The following DNAH14 variants were observed in gnomAD, a reference collection of about 807,000 sequenced individuals.
The protein encoded by DNAH14 is dynein axonemal heavy chain 14.
A neutral mutation model predicts 520.9 loss-of-function variants in DNAH14; 478 were observed. The ratio of observed to expected loss-of-function variants is 0.92; its 90% confidence interval spans 0.85 to 0.99. The LOEUF is 0.99. DNAH14 is among the 50% of genes least tolerant of loss of function. DNAH14 has a pLI of 0.00. For synonymous variants in DNAH14, 1,581 were observed against 1,757.2 expected, an observed-to-expected ratio of 0.90 and a Z score of 2.51; for missense variants, 4,831 against 5,234.5, an observed-to-expected ratio of 0.92 and a Z score of 2.38.
Position 225,144,515 on chromosome 1 carries a change from C to T in DNAH14, c.4627C>T (p.Leu1543Phe), listed in dbSNP as rs1270078720. The change falls in exon 29 of 86, where the codon CTC (leucine) becomes TTC (phenylalanine). Residue 1543 changes from leucine to phenylalanine, a missense_variant. Physicochemically the swap from Leu to Phe is conservative, Grantham distance 22. Coordinates refer to ENST00000682510, the MANE Select transcript of DNAH14 (RefSeq NM_001367479.1). ...GCTSRLVITP[L>F]TDRCWLTLME... ...TACCTCAAGATTGGTTATTACGCCT[C>T]TCACAGACCGATGCTGGCTGACTCT... is the stretch of plus-strand genomic sequence containing the variant. 3.2e-6 allele frequency: 5 copies of T among 1,551,478 alleles called. No individual in the cohort carries two copies. In the South Asian group the frequency reaches 5.9e-5, roughly 18 times the overall value.
At chr1:225,002,042 T>G (rs1169007041) in intron 8 of DNAH14, among the ~76,000 whole-genome samples, 2 of 152,138 alleles carry the variant, frequency 1.3e-5, no homozygotes, top group South Asian at 2.1e-4. Context: ...AGGGAAGAGA[T>G]AATTTCTGAT....
At chr1:225,216,323 T>G (rs564829794) in intron 41 of DNAH14, among the ~76,000 whole-genome samples, 13 of 152,338 alleles carry the variant, frequency 8.5e-5, no homozygotes, top group Admixed American at 2.6e-4. Context: ...CTGGCTGCCC[T>G]TAATGTTTTT....
intron 20 of DNAH14, among the ~76,000 whole-genome samples, chr1:225,084,779 T>C (rs1428240235): frequency 5.7e-5 from 1 of 17,412 alleles, no homozygotes; most frequent in Non-Finnish European, 6.8e-4. Context: ...ACTTTAACCA[T>C]AAAGACTTGA....
chr1:225,165,100 A>G (rs1441553393), intron 35 of DNAH14, among the ~76,000 whole-genome samples: 8 of 152,100 alleles, frequency 5.3e-5, no homozygotes, highest in Non-Finnish European at 1.2e-4. Flanking sequence ...TCATATCTGA[A>G]TGGCAAATTC....
chr1:225,228,857 A>G (rs1012326551), intron 41 of DNAH14, among the ~76,000 whole-genome samples: 1 of 152,074 alleles, frequency 6.6e-6, no homozygotes, highest in African/African-American at 2.4e-5. Context: ...ACCTTCTTGG[A>G]AGGCCGGGGG....
intron 38 of DNAH14, among the ~76,000 whole-genome samples, chr1:225,196,430 G>A (rs925243376): frequency 2.0e-5 from 3 of 152,108 alleles, no homozygotes; most frequent in African/African-American, 7.2e-5. Context: ...ATGGGCATTT[G>A]GGTTGGTTTC....
chr1:225,127,911 C>G (rs897163539), intron 27 of DNAH14, among the ~76,000 whole-genome samples: 2 of 152,116 alleles, frequency 1.3e-5, no homozygotes, highest in African/African-American at 4.8e-5. Context: ...CTGGTGGTGA[C>G]AAAATCTCTC....
chr1:225,036,189 G>A (rs1036758190), intron 11 of DNAH14, among the ~76,000 whole-genome samples: 1 of 152,088 alleles, frequency 6.6e-6, no homozygotes, highest in African/African-American at 2.4e-5. Flanking sequence ...GGGATGGAGT[G>A]CAATGGCGAG....
At chr1:225,130,799 A>G (rs1050566002) in intron 27 of DNAH14, among the ~76,000 whole-genome samples, 3 of 146,594 alleles carry the variant, frequency 2.0e-5, no homozygotes, top group African/African-American at 4.9e-5. Flanking sequence ...GTGCACATGT[A>G]CCCTAAAACT....
chr1:225,247,227 G>C (rs6426059), intron 43 of DNAH14, among the ~76,000 whole-genome samples: 1 of 151,814 alleles, frequency 6.6e-6, no homozygotes, highest in African/African-American at 2.4e-5. Context: ...GGCCTGTTGC[G>C]GGGTGGGGGC....
chr1:225,009,886 G>T (rs2147886334), intron 10 of DNAH14, among the ~76,000 whole-genome samples: 1 of 152,212 alleles, frequency 6.6e-6, no homozygotes, highest in African/African-American at 2.4e-5. Flanking sequence ...TCATGATTAG[G>T]TTCTCTGTTT....
intron 21 of DNAH14, among the ~76,000 whole-genome samples, chr1:225,093,767 T>A (rs1426534007): frequency 6.6e-6 from 1 of 152,186 alleles, no homozygotes; most frequent in Non-Finnish European, 1.5e-5. Flanking sequence ...CTAGATCTGA[T>A]AAACAACTTC....
At chr1:225,312,429 A>G (rs1362710298) in intron 60 of DNAH14, among the ~76,000 whole-genome samples, 2 of 152,022 alleles carry the variant, frequency 1.3e-5, no homozygotes, top group African/African-American at 2.4e-5. Context: ...ATTTGAATAC[A>G]ATTTATTTCT....
intron 54 of DNAH14, among the ~76,000 whole-genome samples, chr1:225,289,394 A>T (rs1449741518): frequency 6.6e-6 from 1 of 152,166 alleles, no homozygotes; most frequent in Non-Finnish European, 1.5e-5. Context: ...AAATGTACTA[A>T]AAAGCATTGA....
intron 10 of DNAH14, among the ~76,000 whole-genome samples, chr1:225,019,322 CAAAG>C (rs2065468898): frequency 6.6e-6 from 1 of 152,034 alleles, no homozygotes; most frequent in Admixed American, 6.5e-5. Flanking sequence ...TCAAAAAGGA[CAAAG>C]AAGGCCATTA....
At chr1:225,123,978 C>G (rs2077490176) in intron 27 of DNAH14, among the ~76,000 whole-genome samples, 1 of 152,042 alleles carries the variant, frequency 6.6e-6, no homozygotes, top group Non-Finnish European at 1.5e-5. Flanking sequence ...GTCTTGAACT[C>G]CTGACCTCAG....
At chr1:225,121,412 A>G (rs1006939708) in intron 26 of DNAH14, among the ~76,000 whole-genome samples, 1 of 151,926 alleles carries the variant, frequency 6.6e-6, no homozygotes, top group Non-Finnish European at 1.5e-5. Context: ...ATCCCTCCCC[A>G]CTTTCACCCT....
intron 62 of DNAH14, among the ~76,000 whole-genome samples, chr1:225,323,431 T>C (rs1233125633): frequency 6.6e-6 from 1 of 152,088 alleles, no homozygotes; most frequent in East Asian, 1.9e-4. Context: ...AAAGGCTTTT[T>C]CTCTCCTGAT....
At chr1:225,393,821 T>G (rs60588585) in intron 84 of DNAH14, among the ~76,000 whole-genome samples, 25,896 of 149,566 alleles carry the variant, frequency 0.17, 2,298 homozygotes, top group South Asian at 0.21. Flanking sequence ...TTTGTTTTTT[T>G]TTTGTTTTTT....
Sources: allele counts gnomAD v4.1 joint callset (sites outside exome capture counted in the v4.1 genomes callset), GRCh38; gene constraint gnomAD v4.1.1; transcripts MANE v1.5; gene names NCBI Gene and HGNC (gene_info 2026-07-23, HGNC 2026-07-21).